Variants in COL5A2 observed in about 807,000 individuals in gnomAD.
COL5A2 encodes the protein collagen alpha-2(V) chain.
A neutral mutation model predicts 208.2 loss-of-function variants in COL5A2; 23 were observed. That is an observed-to-expected ratio of 0.11 (90% CI 0.08 to 0.16). COL5A2 has a LOEUF of 0.16. Ranked by LOEUF, COL5A2 falls within the 10% of genes least tolerant of loss-of-function variation. The pLI, the probability that COL5A2 is intolerant of heterozygous loss-of-function variation, is 1.00. For missense variants in COL5A2, 1,590 were observed against 1,956.4 expected (o/e 0.81, Z 3.53); for synonymous variants, 625 against 628.5 (o/e 0.99, Z 0.08).
At chr2:189,146,774 T>C (rs771261675) in intron 1 of COL5A2, among the ~76,000 whole-genome samples, 10 of 152,130 alleles carry the variant, frequency 6.6e-5, no homozygotes, top group Non-Finnish European at 1.3e-4. Flanking sequence ...ACAAGCCAGA[T>C]GCATTAAAAA....
At chr2:189,441,052 C>G in the COL5A2 span, among the ~76,000 whole-genome samples, 1 of 152,098 alleles carries the variant, frequency 6.6e-6, no homozygotes, top group Admixed American at 6.5e-5. Context: ...ACGCTGCGAC[C>G]GAGAAAACCA....
intron 30 of COL5A2, among the ~76,000 whole-genome samples, chr2:189,061,149 C>T (rs1257500013): frequency 1.3e-5 from 2 of 152,006 alleles, no homozygotes; most frequent in Admixed American, 1.3e-4. Context: ...AAATTATGAT[C>T]TTCCTCCTAT....
chr2:189,213,476 T>A (rs954208359), intron 1 of COL5A2, among the ~76,000 whole-genome samples: 4 of 152,166 alleles, frequency 2.6e-5, no homozygotes, highest in Non-Finnish European at 4.4e-5. Context: ...TCAGCTGTGA[T>A]CTTGCCATAT....
chr2:189,115,416 A>G (rs1687369208), intron 1 of COL5A2, among the ~76,000 whole-genome samples: 2 of 152,052 alleles, frequency 1.3e-5, no homozygotes, highest in African/African-American at 4.8e-5. Flanking sequence ...GGAAAAAAAA[A>G]AAGCCTGCAT....
chr2:189,334,210 T>G, the COL5A2 span, among the ~76,000 whole-genome samples: 2 of 151,964 alleles, frequency 1.3e-5, no homozygotes, highest in East Asian at 3.9e-4. Context: ...GGGAACAAGG[T>G]AGGGTGTCTT....
intron 22 of COL5A2, 26 bp from the exon 23 acceptor site, chr2:189,066,523 C>T: frequency 6.2e-7 from 1 of 1,605,258 alleles, no homozygotes; most frequent in Non-Finnish European, 8.5e-7. Context: ...GGACAGTTAC[C>T]AGAAAGACCC....
At chr2:189,098,791 A>T in intron 4 of COL5A2, 32 bp from the exon 5 acceptor site, 1 of 1,587,368 alleles carries the variant, frequency 6.3e-7, no homozygotes, top group Non-Finnish European at 8.6e-7. Flanking sequence ...TTGTAAAGGT[A>T]AAGTTTCTGC....
intron 1 of COL5A2, among the ~76,000 whole-genome samples, chr2:189,151,214 C>T (rs1453859606): frequency 1.3e-5 from 2 of 152,074 alleles, no homozygotes; most frequent in African/African-American, 2.4e-5. Context: ...GAACTCATGC[C>T]CTTCACCCCT....
At chr2:189,293,046 T>C in the COL5A2 span, among the ~76,000 whole-genome samples, 3 of 151,508 alleles carry the variant, frequency 2.0e-5, no homozygotes, top group South Asian at 2.1e-4. Flanking sequence ...AAGGTGGGAA[T>C]TGAACAATGA....
At chr2:189,277,098 G>A in the COL5A2 span, among the ~76,000 whole-genome samples, 1 of 151,964 alleles carries the variant, frequency 6.6e-6, no homozygotes, top group Non-Finnish European at 1.5e-5. Flanking sequence ...TCATTTGTGC[G>A]ATGAAGATAA....
chr2:189,128,836 A>G (rs1316508096), intron 1 of COL5A2, among the ~76,000 whole-genome samples: 2 of 151,958 alleles, frequency 1.3e-5, no homozygotes, highest in Non-Finnish European at 2.9e-5. Context: ...CTTCCTTATA[A>G]TAACAGAGAA....
chr2:189,044,948 C>G (rs915471380), intron 47 of COL5A2, among the ~76,000 whole-genome samples: 5 of 151,904 alleles, frequency 3.3e-5, no homozygotes, highest in Non-Finnish European at 7.4e-5. Context: ...TTAAAAACCT[C>G]CATGATTATT....
At chr2:189,154,940 A>G (rs539520388) in intron 1 of COL5A2, among the ~76,000 whole-genome samples, 206 of 152,324 alleles carry the variant, frequency 1.4e-3, no homozygotes, top group Non-Finnish European at 2.1e-3. Flanking sequence ...GTACCTTGAA[A>G]TAAAATAATA....
intron 1 of COL5A2, among the ~76,000 whole-genome samples, chr2:189,185,371 T>C (rs1688838012): frequency 6.6e-6 from 1 of 152,158 alleles, no homozygotes; most frequent in African/African-American, 2.4e-5. Flanking sequence ...AAGAAACGTA[T>C]TATGCGAAGG....
the COL5A2 span, among the ~76,000 whole-genome samples, chr2:189,415,802 G>A: frequency 1.3e-4 from 20 of 152,286 alleles, no homozygotes; most frequent in South Asian, 4.1e-4. Context: ...TAGGGCTACA[G>A]GCGCCTACCA....
the COL5A2 span, among the ~76,000 whole-genome samples, chr2:189,357,197 A>G: frequency 6.6e-6 from 1 of 152,286 alleles, no homozygotes; most frequent in South Asian, 2.1e-4. Context: ...TTTCCCAGTC[A>G]GGATACACAG....
intron 6 of COL5A2, among the ~76,000 whole-genome samples, chr2:189,094,590 C>G (rs1377181193): frequency 2.4e-5 from 2 of 84,212 alleles, no homozygotes; most frequent in Non-Finnish European, 4.9e-5. Flanking sequence ...TTCTCTCTGA[C>G]ACACACACAC....
At chr2:189,153,013 T>A (rs1489740329) in intron 1 of COL5A2, among the ~76,000 whole-genome samples, 1 of 152,194 alleles carries the variant, frequency 6.6e-6, no homozygotes, top group Non-Finnish European at 1.5e-5. Context: ...CAAGGTTGGA[T>A]TTTTATTTTT....
chr2:189,394,250 G>T, the COL5A2 span, among the ~76,000 whole-genome samples: 1 of 150,944 alleles, frequency 6.6e-6, no homozygotes, highest in Admixed American at 6.6e-5. Context: ...GTATAAGAAA[G>T]ATTTTGAAAA....
Sources: gnomAD v4.1 joint callset for allele counts (sites outside exome capture counted in the v4.1 genomes callset) on GRCh38, gnomAD v4.1.1 for gene constraint, MANE v1.5 for transcripts, NCBI Gene and HGNC (gene_info 2026-07-23, HGNC 2026-07-21) for gene names.